Variants in C19orf44 observed in about 807,000 individuals in gnomAD.
C19orf44 encodes the protein uncharacterized protein C19orf44.
A neutral mutation model predicts 50.7 loss-of-function variants in C19orf44; 43 were observed. The ratio of observed to expected loss-of-function variants is 0.85; its 90% confidence interval spans 0.66 to 1.09. The LOEUF (loss-of-function observed/expected upper bound fraction) is 1.09, where lower values mean the gene tolerates loss of function less well. Ranked by LOEUF, C19orf44 falls within the 50% of genes least tolerant of loss-of-function variation. C19orf44 has a pLI of 0.00. For missense variants in C19orf44, 722 were observed against 836.2 expected, an observed-to-expected ratio of 0.86 and a Z score of 1.68; for synonymous variants, 298 against 334.7, an observed-to-expected ratio of 0.89 and a Z score of 1.20.
At position 16,501,112 on chromosome 19, in the gene C19orf44, G is replaced by A. The variant is rs755210580; in HGVS notation, c.320G>A (p.Arg107Gln). The change falls in exon 2 of 9, where the codon CGG becomes CAG. Residue 107 changes from arginine (R) to glutamine (Q), a missense_variant. Coordinates refer to ENST00000221671, the MANE Select transcript of C19orf44 (RefSeq NM_032207.4). ...LAQLETRIMN[R>Q]KLQRNLSDTE... ...CAGCTGGAAACCCGGATCATGAATC[G>A]GAAGCTGCAGAGGAATTTGTCTGAC... 53 of 1,613,924 alleles carry A rather than the reference G, an allele frequency of 3.3e-5. No homozygotes were observed. Among genetic ancestry groups the A allele is most frequent in the Non-Finnish European group, 4.2e-5 (49 of 1,180,024 alleles).
intron 4 of C19orf44, 108 bp downstream of exon 4, chr19:16,506,882 C>T: frequency 1.4e-6 from 1 of 740,692 alleles, no homozygotes; most frequent in Non-Finnish European, 2.2e-6. Flanking sequence ...CACTATGTTG[C>T]CCAGGCCGTC....
chr19:16,520,236 C>A lies in C19orf44; in HGVS notation c.*183C>A, dbSNP rs750289385. 3 of 1,613,294 alleles carry A rather than the reference C, an allele frequency of 1.9e-6. No individual in the cohort carries two copies. The highest frequency in any genetic ancestry group is 2.5e-6 in the Non-Finnish European group (3 of 1,180,022). On this transcript the variant is annotated 3_prime_UTR_variant, in exon 9 of 9. Coordinates refer to ENST00000221671, the MANE Select transcript of C19orf44 (RefSeq NM_032207.4). This position sits in a 1 kb window ranked among gnomAD's most constrained non-coding sequence, Gnocchi z 4.0. The stretch of plus-strand genomic sequence containing the variant: ...GGACCGCGACTGGGACCGGGAGCGG[C>A]TTCTGGAGGAGCGCGACCTGCTCCG...
chr19:16,511,365 A>T (rs2093456822), intron 5 of C19orf44, among the ~76,000 whole-genome samples: 1 of 151,880 alleles, frequency 6.6e-6, no homozygotes, highest in Non-Finnish European at 1.5e-5. Flanking sequence ...TTCTTTGTAG[A>T]GACAGGGTCT....
intron 6 of C19orf44, 91 bp downstream of exon 6, chr19:16,513,200 C>A: frequency 7.7e-7 from 1 of 1,294,234 alleles, no homozygotes; most frequent in Non-Finnish European, 1.1e-6. Context: ...GTGTGGCACC[C>A]CTTGCATGCT....
Position 16,509,891 on chromosome 19 carries a change from GTC to G in C19orf44, c.1544_1545del (p.Ser515Ter). 1 of 1,614,262 alleles carries G rather than the reference GTC, an allele frequency of 6.2e-7. No individual in the cohort carries two copies. Among genetic ancestry groups the G allele is most frequent in the Non-Finnish European group, 8.5e-7 (1 of 1,180,056 alleles). ...AGACAGACCTTCCACAAACAGCCGA[GTC>G]TAGGAAAAAGTCGGGCAGGCACGTG... is the stretch of plus-strand genomic sequence containing the variant. The part of the protein sequence containing the change: ...VKTDLPQTAE[S>X]RKKSGRHVTR... On this transcript the variant is annotated frameshift_variant, in exon 5 of 9. Transcript: ENST00000221671. LOFTEE classifies it high-confidence loss of function.
Position 16,503,223 on chromosome 19 carries a change from C to T in C19orf44, c.918C>T (p.Asp306=), listed in dbSNP as rs2093430895. Residue 306 remains aspartate (D), a synonymous_variant, in exon 3 of 9, where the codon GAC becomes GAT. Coordinates refer to ENST00000221671, the MANE Select transcript of C19orf44 (RefSeq NM_032207.4). The part of the protein sequence containing the change: ...ADYPQSHVSS[D]TASHTPSVSI... The stretch of plus-strand genomic sequence containing the variant: ...ACCCACAGAGTCACGTTTCCAGTGA[C>T]ACCGCCTCCCACACGCCGTCAGTTT... The T allele has an allele frequency of 1.2e-6, 2 of 1,614,168 alleles. No individual in the cohort carries two copies. The highest frequency in any genetic ancestry group is 1.7e-6 in the Non-Finnish European group (2 of 1,180,042).
chr19:16,520,928 T>G lies in C19orf44; in HGVS notation c.*875T>G, dbSNP rs774646777. ...CCAGCCTTCACTGTAAGACACGGCATTCCGTGTGTGACCACGTGACACCCA... is the reference window on the plus strand; with the variant it reads ...CCAGCCTTCACTGTAAGACACGGCAGTCCGTGTGTGACCACGTGACACCCA... On this transcript the variant is annotated 3_prime_UTR_variant, in exon 9 of 9. Coordinates refer to ENST00000221671, the MANE Select transcript of C19orf44 (RefSeq NM_032207.4). The surrounding 1 kb of genome is among the most constrained non-coding windows in gnomAD (Gnocchi z 4.0). 3 of 1,611,440 alleles carry G rather than the reference T, an allele frequency of 1.9e-6. No homozygotes were observed. The Admixed American group carries it at 5.0e-5, about 27-fold the overall frequency.
rs1348864992 is a variant in C19orf44 at position 16,521,220 on chromosome 19, C to T, written c.*1167C>T. 1.6e-5 allele frequency: 9 copies of T among 575,426 alleles called. No individual in the cohort carries two copies. The highest frequency in any genetic ancestry group is 2.8e-5 in the Non-Finnish European group (9 of 322,152). 35.6% of individuals were successfully genotyped at this position (575,426 alleles called of 1,614,324 possible). On this transcript the variant is annotated 3_prime_UTR_variant, in exon 9 of 9. Transcript: ENST00000221671. Reference sequence around the variant, plus strand: ...GGGTGGACAGGCCTGCAGCCCAGCACAGGAAGGAGGGGTGACCACTGGGAA... The same window carrying T: ...GGGTGGACAGGCCTGCAGCCCAGCATAGGAAGGAGGGGTGACCACTGGGAA...
In C19orf44 at chr19:16,520,589, C is replaced by A. The variant is rs1334624539; in HGVS notation, c.*536C>A. On this transcript the variant is annotated 3_prime_UTR_variant, in exon 9 of 9. Coordinates refer to ENST00000221671, the MANE Select transcript of C19orf44 (RefSeq NM_032207.4). The surrounding 1 kb of genome is among the most constrained non-coding windows in gnomAD (Gnocchi z 4.0). The stretch of plus-strand genomic sequence containing the variant: ...CCCTGGCCCTCAGGTTCCTAGACCA[C>A]CCCAGATGCAGGGGCTCTGGCTGTG... The A allele has an allele frequency of 4.7e-6, 7 of 1,480,654 alleles. No homozygotes were observed. The African/African-American group carries it at 9.8e-5, about 21-fold the overall frequency. 91.7% of individuals were successfully genotyped at this position (1,480,654 alleles called of 1,614,324 possible).
chr19:16,502,456 T>C (rs2093428273), intron 2 of C19orf44, among the ~76,000 whole-genome samples: 1 of 151,550 alleles, frequency 6.6e-6, no homozygotes, highest in African/African-American at 2.4e-5. Flanking sequence ...CGTGATGGTC[T>C]CGATCGCTTG....
intron 6 of C19orf44, 22 bp downstream of exon 6, chr19:16,513,131 T>C: frequency 6.2e-7 from 1 of 1,609,212 alleles, no homozygotes; most frequent in Non-Finnish European, 8.5e-7. Flanking sequence ...GCTCGGGGGA[T>C]CCTTCCTGTC....
chr19:16,497,590 C>G (rs1453749083), intron 1 of C19orf44, among the ~76,000 whole-genome samples: 3 of 152,008 alleles, frequency 2.0e-5, no homozygotes, highest in Non-Finnish European at 4.4e-5. Context: ...ACCTCGTGAT[C>G]CGCCCGCCTT....
At position 16,506,723 on chromosome 19, in the gene C19orf44, G is replaced by A. The variant is rs537357343; in HGVS notation, c.1098G>A (p.Ser366=). The A allele has an allele frequency of 2.4e-5, 38 of 1,602,710 alleles. No individual in the cohort carries two copies. In the East Asian group the frequency reaches 2.5e-4, roughly 10 times the overall value. Residue 366 remains serine, a synonymous_variant, in exon 4 of 9, where the codon TCG becomes TCA. Coordinates refer to ENST00000221671, the MANE Select transcript of C19orf44 (RefSeq NM_032207.4). ...CAGAGTTTAGAATAAATATTTTATC[G>A]CTTGACGGTCTGGCTCCAGCTGTCA... ...SLDEFRINIL[S]LDGLAPAVSE... is the part of the protein sequence containing the mutation.
rs771511150 is a variant in C19orf44, at chr19:16,517,325, T to C, written c.*24T>C. 3 of 1,608,936 alleles carry C rather than the reference T, an allele frequency of 1.9e-6. No individual in the cohort carries two copies. The highest frequency in any genetic ancestry group is 1.7e-5 in the Admixed American group (1 of 59,878). Reference sequence around the variant, plus strand: ...GAGCGCCAGCAGGTGGAGCTTGACGTGACGTCTTAACAAAAGGTATCCCGT... The same window carrying C: ...GAGCGCCAGCAGGTGGAGCTTGACGCGACGTCTTAACAAAAGGTATCCCGT... On this transcript the variant is annotated 3_prime_UTR_variant, in exon 8 of 9. Coordinates refer to ENST00000221671, the MANE Select transcript of C19orf44 (RefSeq NM_032207.4).
At chr19:16,516,115 CAA>C (rs1310433136) in intron 7 of C19orf44, among the ~76,000 whole-genome samples, 1 of 152,092 alleles carries the variant, frequency 6.6e-6, no homozygotes. Flanking sequence ...TTTTACATAA[CAA>C]ATTTTTCAGT....
chr19:16,506,219 C>T (rs1268766799), intron 3 of C19orf44, among the ~76,000 whole-genome samples: 2 of 68,000 alleles, frequency 2.9e-5, no homozygotes, highest in Admixed American at 1.1e-4. Context: ...TTGTGATCTG[C>T]CCGCCTCGGC....
intron 1 of C19orf44, 73 bp from the exon 2 acceptor site, chr19:16,500,719 C>A: frequency 7.0e-7 from 1 of 1,426,144 alleles, no homozygotes; most frequent in Non-Finnish European, 9.5e-7. Flanking sequence ...GAGCTTTTGC[C>A]AAGTAGGAGC....
chr19:16,499,871 C>A (rs1180418271), intron 1 of C19orf44, among the ~76,000 whole-genome samples: 1 of 150,226 alleles, frequency 6.7e-6, no homozygotes, highest in Non-Finnish European at 1.5e-5. Flanking sequence ...CTCACTGCAA[C>A]CTCCACCTCC....
In C19orf44 at chr19:16,514,645, C is replaced by T. The variant is rs895601033; in HGVS notation, c.1884C>T (p.Thr628=). The change falls in exon 7 of 9, where the codon ACC becomes ACT. Residue 628 remains threonine, a synonymous_variant. Coordinates refer to ENST00000221671, the MANE Select transcript of C19orf44 (RefSeq NM_032207.4). ...ACGCGGACTCCTTCCACTACCACAC[C>T]CTGGAGGAAGCCAAAGAGGTGAGCG... is the stretch of plus-strand genomic sequence containing the variant. ...SLDADSFHYH[T]LEEAKEYIRC... 1 of 1,579,260 alleles carries T rather than the reference C, an allele frequency of 6.3e-7. No homozygotes were observed. The highest frequency in any genetic ancestry group is 2.3e-5 in the East Asian group (1 of 43,200).
Sources: gnomAD v4.1 joint callset for allele counts (sites outside exome capture counted in the v4.1 genomes callset) on GRCh38, gnomAD v4.1.1 for gene constraint, Gnocchi (gnomAD v3.1) non-coding constraint, MANE v1.5 for transcripts, NCBI Gene and HGNC (gene_info 2026-07-23, HGNC 2026-07-21) for gene names.